The following FSTL4 variants were observed in gnomAD, a reference collection of about 807,000 sequenced individuals.
The protein encoded by FSTL4 is follistatin like 4.
Under a neutral mutation model 78.2 loss-of-function variants are expected in FSTL4, and 28 were observed. The observed-to-expected ratio is 0.36, with a 90% CI of 0.27 to 0.49. The LOEUF (loss-of-function observed/expected upper bound fraction) is 0.49, where lower values mean the gene tolerates loss of function less well. Ranked by LOEUF, FSTL4 falls within the 20% of genes least tolerant of loss-of-function variation. The pLI, the probability that FSTL4 is intolerant of heterozygous loss-of-function variation, is 0.98. For synonymous variants in FSTL4, 422 were observed against 440.5 expected (o/e 0.96, Z 0.53); for missense variants, 922 against 1,084.9 (o/e 0.85, Z 2.11).
intron 8 of FSTL4, among the ~76,000 whole-genome samples, chr5:133,232,145 T>TAC (rs1455785714): frequency 2.0e-5 from 3 of 152,250 alleles, no homozygotes; most frequent in African/African-American, 7.2e-5. Context: ...GCAAGAGGTT[T>TAC]ACCCAAAGTT....
At chr5:133,485,570 T>C (rs1758116460) in intron 3 of FSTL4, among the ~76,000 whole-genome samples, 1 of 152,160 alleles carries the variant, frequency 6.6e-6, no homozygotes, top group South Asian at 2.1e-4. Flanking sequence ...TTAAGAGAGG[T>C]AAATGATTTA....
Position 133,220,850 on chromosome 5 carries a change from G to C in FSTL4, c.1356C>G (p.Asn452Lys), listed in dbSNP as rs1278592388. The C allele has an allele frequency of 6.2e-7, 1 of 1,609,406 alleles. No individual in the cohort carries two copies. Among genetic ancestry groups the C allele is most frequent in the African/African-American group, 1.3e-5 (1 of 74,962 alleles). Residue 452 changes from asparagine (N) to lysine (K), a missense_variant, in exon 12 of 16, where the codon AAC becomes AAG. Transcript: ENST00000265342. ...CGTCGTCGGAGAAGACATAGAACATGTTTCCCACGCTGAGGCCTGGGAGGA... is the reference window on the plus strand; with the variant it reads ...CGTCGTCGGAGAAGACATAGAACATCTTTCCCACGCTGAGGCCTGGGAGGA... ...LWREEGLSVG[N>K]MFYVFSDDGI...
intron 3 of FSTL4, among the ~76,000 whole-genome samples, chr5:133,511,095 T>A (rs903313099): frequency 5.3e-5 from 8 of 152,142 alleles, no homozygotes; most frequent in Admixed American, 6.5e-5. Context: ...CTGAGTTCCA[T>A]CAAGGCCACA....
At chr5:133,673,818 T>A in the FSTL4 span, among the ~76,000 whole-genome samples, 24 of 152,094 alleles carry the variant, frequency 1.6e-4, no homozygotes, top group African/African-American at 5.8e-4. Context: ...CAGCATTTGA[T>A]AGGGGCTGTA....
the FSTL4 span, among the ~76,000 whole-genome samples, chr5:133,656,161 T>C: frequency 6.6e-6 from 1 of 152,034 alleles, no homozygotes; most frequent in African/African-American, 2.4e-5. Context: ...CAGGAGGCCC[T>C]GGTAGGGGAG....
chr5:133,429,885 C>A (rs1274515856), intron 3 of FSTL4, among the ~76,000 whole-genome samples: 1 of 152,184 alleles, frequency 6.6e-6, no homozygotes, highest in Non-Finnish European at 1.5e-5. Flanking sequence ...TCTCCTATTT[C>A]AGGTTAATTG....
intron 15 of FSTL4, among the ~76,000 whole-genome samples, chr5:133,200,162 T>C (rs1750275560): frequency 6.6e-6 from 1 of 152,220 alleles, no homozygotes; most frequent in African/African-American, 2.4e-5. Flanking sequence ...GTCTGGATGG[T>C]GAGCATGGAG....
At chr5:133,727,239 A>G in the FSTL4 span, among the ~76,000 whole-genome samples, 3 of 152,212 alleles carry the variant, frequency 2.0e-5, no homozygotes, top group Non-Finnish European at 2.9e-5. Context: ...TTTAATGACT[A>G]TAAGATTTAG....
the FSTL4 span, among the ~76,000 whole-genome samples, chr5:133,831,516 A>G: frequency 6.6e-6 from 1 of 152,222 alleles, no homozygotes; most frequent in East Asian, 1.9e-4. Flanking sequence ...TACCATTCAT[A>G]TCACCTCGTA....
At chr5:133,613,319 C>T (rs973108759), upstream of FSTL4, among the ~76,000 whole-genome samples, 11 of 152,176 alleles carry the variant, frequency 7.2e-5, no homozygotes, top group Non-Finnish European at 1.5e-4. Flanking sequence ...AGGAGGGAGC[C>T]CCTACCCAGG....
intron 6 of FSTL4, among the ~76,000 whole-genome samples, chr5:133,292,326 C>T (rs370793253): frequency 2.6e-4 from 40 of 152,318 alleles, no homozygotes; most frequent in African/African-American, 9.1e-4. Context: ...GACCACCAGG[C>T]CTGCCTGGAA....
At chr5:133,412,435 T>C (rs1756495034) in intron 3 of FSTL4, among the ~76,000 whole-genome samples, 1 of 152,222 alleles carries the variant, frequency 6.6e-6, no homozygotes, top group African/African-American at 2.4e-5. Context: ...TGATAGATGA[T>C]GCTGGGGCAA....
chr5:133,546,699 G>A (rs1759581763), intron 3 of FSTL4, among the ~76,000 whole-genome samples: 2 of 152,074 alleles, frequency 1.3e-5, no homozygotes, highest in African/African-American at 4.8e-5. Context: ...CACAGGCATA[G>A]GAGAGCAGAA....
intron 3 of FSTL4, among the ~76,000 whole-genome samples, chr5:133,520,084 C>T (rs922246250): frequency 6.6e-6 from 1 of 152,154 alleles, no homozygotes; most frequent in Non-Finnish European, 1.5e-5. Flanking sequence ...TTTTCTTCTG[C>T]TTTTTTTCCT....
chr5:133,784,931 C>A, the FSTL4 span, among the ~76,000 whole-genome samples: 1 of 152,118 alleles, frequency 6.6e-6, no homozygotes, highest in African/African-American at 2.4e-5. Flanking sequence ...GTAGGTTCAG[C>A]CGCATCATCT....
chr5:133,823,224 A>G, the FSTL4 span, among the ~76,000 whole-genome samples: 1 of 152,200 alleles, frequency 6.6e-6, no homozygotes, highest in African/African-American at 2.4e-5. Flanking sequence ...GGTCCCAATC[A>G]GCTCCTCTCA....
At chr5:133,636,055 G>A in the FSTL4 span, among the ~76,000 whole-genome samples, 2,479 of 152,234 alleles carry the variant, frequency 0.016, 69 homozygotes, top group African/African-American at 0.056. Context: ...GTCGGCACCT[G>A]GCCTATAATA....
chr5:133,455,937 C>A (rs2127014389), intron 3 of FSTL4, among the ~76,000 whole-genome samples: 1 of 152,328 alleles, frequency 6.6e-6, no homozygotes, highest in Admixed American at 6.5e-5. Context: ...CCCTCTGAAC[C>A]CACAGGGAGG....
At chr5:133,384,579 C>T (rs960129748) in intron 4 of FSTL4, among the ~76,000 whole-genome samples, 1 of 152,118 alleles carries the variant, frequency 6.6e-6, no homozygotes, top group Non-Finnish European at 1.5e-5. Context: ...TGTATTTTTC[C>T]TAAGTGATTC....
Sources: gnomAD v4.1 joint callset for allele counts (sites outside exome capture counted in the v4.1 genomes callset) on GRCh38, gnomAD v4.1.1 for gene constraint, MANE v1.5 for transcripts, NCBI Gene and HGNC (gene_info 2026-07-23, HGNC 2026-07-21) for gene names.